Variants in UMAD1 observed in about 807,000 individuals in gnomAD.
UMAD1 encodes the protein UBAP1-MVB12-associated (UMA) domain containing 1.
A neutral mutation model predicts 6.1 loss-of-function variants in UMAD1; 8 were observed. The ratio of observed to expected loss-of-function variants is 1.30; its 90% CI spans 0.76 to 2.35. The LOEUF is 2.35. Ranked by LOEUF, UMAD1 falls within the 30% of genes most tolerant of loss-of-function variation. UMAD1 has a pLI of 0.00. For missense variants in UMAD1, 130 were observed against 78.4 expected (o/e 1.66, Z -2.49); for synonymous variants, 56 against 31.4 (o/e 1.78, Z -2.61).
intron 2 of UMAD1, among the ~76,000 whole-genome samples, chr7:7,796,739 T>A (rs1021959635): frequency 6.6e-6 from 1 of 152,114 alleles, no homozygotes; most frequent in Non-Finnish European, 1.5e-5. Flanking sequence ...CCAACCAGTT[T>A]AAAGACCCCC....
chr7:7,682,881 A>G (rs911999546), intron 2 of UMAD1, among the ~76,000 whole-genome samples: 3 of 152,224 alleles, frequency 2.0e-5, no homozygotes, highest in Non-Finnish European at 2.9e-5. Flanking sequence ...TTTTCTATTA[A>G]GAAATGTGGA....
intron 2 of UMAD1, among the ~76,000 whole-genome samples, chr7:7,772,791 A>C (rs765967180): frequency 6.6e-6 from 1 of 152,236 alleles, no homozygotes; most frequent in Non-Finnish European, 1.5e-5. Context: ...ATGGTAGGGT[A>C]CAGTTTGTTT....
chr7:7,691,737 A>G (rs1453262968), intron 2 of UMAD1, among the ~76,000 whole-genome samples: 1 of 152,176 alleles, frequency 6.6e-6, no homozygotes, highest in East Asian at 1.9e-4. Flanking sequence ...ACAAATCCCT[A>G]ATTTATTCTA....
Position 7,815,922 on chromosome 7 carries a change from G to C in UMAD1, c.156+14179G>C, listed in dbSNP as rs1290877157. Among the ~76,000 whole-genome samples the C allele has an allele frequency of 2.0e-5, 3 of 152,276 alleles. No individual in the cohort carries two copies. The East Asian group carries it at 5.8e-4, about 29-fold the overall frequency. On this transcript the variant is annotated intron_variant, in intron 3 of 3. Coordinates refer to ENST00000682710, the MANE Select transcript of UMAD1 (RefSeq NM_001302348.2). ...ATTTGTCCAACAATAGATATCAGTG[G>C]AGGTGGGGGAGGACAAATAGAGAGA...
rs1008821193 is a variant in UMAD1, at chr7:7,776,222, A to G, written c.83-25448A>G. ...GCACTTGTAGTTCCAGCTACTTGAGAGGCTAAGGCAGAATGATCAGTTGAG... is the reference window on the plus strand; with the variant it reads ...GCACTTGTAGTTCCAGCTACTTGAGGGGCTAAGGCAGAATGATCAGTTGAG... On this transcript the variant is annotated intron_variant, in intron 2 of 3. Coordinates refer to ENST00000682710, the MANE Select transcript of UMAD1 (RefSeq NM_001302348.2). Among the ~76,000 whole-genome samples, 3 of 152,220 alleles carry G rather than the reference A, an allele frequency of 2.0e-5. No homozygotes were observed. In the East Asian group the frequency reaches 5.8e-4, roughly 29 times the overall value.
intron 2 of UMAD1, chr7:7,736,424 C>G (rs557624180): frequency 6.5e-6 from 1 of 153,004 alleles, no homozygotes; most frequent in East Asian, 1.9e-4. Flanking sequence ...CTTCACCTGC[C>G]GAGTTTCTAC....
chr7:7,831,435 C>T (rs1446996145), intron 3 of UMAD1, among the ~76,000 whole-genome samples: 3 of 152,174 alleles, frequency 2.0e-5, no homozygotes, highest in Non-Finnish European at 4.4e-5. Context: ...ATTCTGGAGC[C>T]TGTCTTTCTG....
In UMAD1 at chr7:7,705,583, A is replaced by G. The variant is rs1296732743; in HGVS notation, c.82+32130A>G. Among the ~76,000 whole-genome samples the G allele has an allele frequency of 5.3e-5, 8 of 152,312 alleles. No homozygotes were observed. In the East Asian group the frequency reaches 1.2e-3, roughly 22 times the overall value. The stretch of plus-strand genomic sequence containing the variant: ...TGTAATCCATTGTTTTCATAATCAT[A>G]TTAGTATTTCTATTATAGGGATAAT... On this transcript the variant is annotated intron_variant, in intron 2 of 3. Transcript: ENST00000682710.
rs539191223 is a variant in UMAD1 at position 7,781,672 on chromosome 7, T to C, written c.83-19998T>C. ...TGTGACTACTGGGAATGAGATATTT[T>C]GTTTCCATTATAATTTCGTTATGTG... On this transcript the variant is annotated intron_variant, in intron 2 of 3. Transcript: ENST00000682710. Among the ~76,000 whole-genome samples the C allele has an allele frequency of 3.3e-5, 5 of 152,230 alleles. No homozygotes were observed. In the South Asian group the frequency reaches 1.0e-3, roughly 32 times the overall value.
intron 1 of UMAD1, among the ~76,000 whole-genome samples, chr7:7,671,774 G>C (rs1015251249): frequency 6.6e-6 from 1 of 150,656 alleles, no homozygotes; most frequent in Non-Finnish European, 1.5e-5. Flanking sequence ...ATCTCTCCTT[G>C]CTCTCTATAG....
intron 2 of UMAD1, among the ~76,000 whole-genome samples, chr7:7,724,244 C>T (rs760159694): frequency 6.6e-6 from 1 of 152,078 alleles, no homozygotes; most frequent in Non-Finnish European, 1.5e-5. Context: ...ATGTTGATTC[C>T]GGGGGACCCA....
chr7:7,809,697 C>G (rs1291190228), intron 3 of UMAD1, among the ~76,000 whole-genome samples: 2 of 151,990 alleles, frequency 1.3e-5, no homozygotes, highest in African/African-American at 2.4e-5. Flanking sequence ...TCTTCCCTTT[C>G]CCTACCCACT....
At chr7:7,685,183 G>A (rs1020322933) in intron 2 of UMAD1, among the ~76,000 whole-genome samples, 14 of 152,106 alleles carry the variant, frequency 9.2e-5, no homozygotes, top group African/African-American at 3.4e-4. Flanking sequence ...ATGTCTTTCT[G>A]GTAATCTTAG....
intron 2 of UMAD1, among the ~76,000 whole-genome samples, chr7:7,698,507 G>C (rs1780371410): frequency 2.6e-5 from 4 of 152,154 alleles, no homozygotes. Context: ...AAATGTGTTT[G>C]AGGTTGAATC....
chr7:7,777,574 A>AATATAT (rs58039932), intron 2 of UMAD1, among the ~76,000 whole-genome samples: 3,483 of 113,410 alleles, frequency 0.031, 218 homozygotes, highest in African/African-American at 0.11. Flanking sequence ...TACATGAGCA[A>AATATAT]ATATATATAT....
chr7:7,864,124 T>C (rs10260017), intron 3 of UMAD1, among the ~76,000 whole-genome samples: 64,300 of 152,028 alleles, frequency 0.42, 14,490 homozygotes, highest in African/African-American at 0.54. Context: ...GTAAACCCTC[T>C]ATTGACATCC....
chr7:7,835,254 T>C (rs965885999), intron 3 of UMAD1, among the ~76,000 whole-genome samples: 7 of 152,154 alleles, frequency 4.6e-5, no homozygotes, highest in Admixed American at 3.3e-4. Context: ...TTGATCTTGT[T>C]ATTTGAAGCA....
At chr7:7,738,980 G>A (rs568691726) in intron 2 of UMAD1, 89 of 152,242 alleles carry the variant, frequency 5.8e-4, no homozygotes, top group African/African-American at 2.0e-3. Flanking sequence ...CCTGTTGTTT[G>A]GATTCTTGAA....
rs1330932604 is a variant in UMAD1 at position 7,641,570 on chromosome 7, G to T, written c.-64+749G>T. On this transcript the variant is annotated intron_variant, in intron 1 of 3. Coordinates refer to ENST00000682710, the MANE Select transcript of UMAD1 (RefSeq NM_001302348.2). ...CTGCGAGACTCTGGAGGGCGATCTG[G>T]AGGTCTGGAAGATAACCGATTCCTG... is the stretch of plus-strand genomic sequence containing the variant. 2.0e-5 allele frequency: 3 copies of T among 152,334 alleles called. No individual in the cohort carries two copies. In the South Asian group the frequency reaches 6.2e-4, roughly 32 times the overall value. 9.4% of individuals were successfully genotyped at this position (152,334 alleles called of 1,614,324 possible). A position where few individuals can be genotyped will look rare whatever the true frequency, so the allele number is the denominator to read the frequency against.
Sources: allele counts gnomAD v4.1 joint callset (sites outside exome capture counted in the v4.1 genomes callset), GRCh38; gene constraint gnomAD v4.1.1; transcripts MANE v1.5; gene names NCBI Gene and HGNC (gene_info 2026-07-23, HGNC 2026-07-21).